The following CDC42BPB variants were observed in gnomAD, a reference collection of about 807,000 sequenced individuals.
CDC42BPB encodes CDC42 binding protein kinase beta, also known as serine/threonine-protein kinase MRCK beta.
In CDC42BPB, 37 loss-of-function variants were observed where a neutral mutation model predicts 214.9. The ratio of observed to expected loss-of-function variants is 0.17; its 90% CI spans 0.13 to 0.23. CDC42BPB has a LOEUF of 0.23. CDC42BPB is among the 10% of genes least tolerant of loss of function. CDC42BPB has a pLI of 1.00. For synonymous variants in CDC42BPB, 931 were observed against 884.0 expected (o/e 1.05, Z -0.94); for missense variants, 1,694 against 2,227.0 (o/e 0.76, Z 4.82).
At chr14:103,035,248 G>C (rs1340229783) in intron 1 of CDC42BPB, among the ~76,000 whole-genome samples, 6 of 151,906 alleles carry the variant, frequency 3.9e-5, no homozygotes, top group Non-Finnish European at 8.8e-5. Flanking sequence ...GTAGAGACGG[G>C]GTTTCTCCTT....
At chr14:103,036,999 T>G (rs967142810) in intron 1 of CDC42BPB, among the ~76,000 whole-genome samples, 2 of 152,012 alleles carry the variant, frequency 1.3e-5, no homozygotes, top group African/African-American at 2.4e-5. Context: ...TGTTTTTTTT[T>G]GTAGAGACAG....
At chr14:103,041,380 C>A in intron 1 of CDC42BPB, 1 of 525,970 alleles carries the variant, frequency 1.9e-6, no homozygotes, top group Non-Finnish European at 3.3e-6. Context: ...TGACCTTGCA[C>A]TGCCAATGGA....
chr14:103,056,746 G>C (rs1181181418), intron 1 of CDC42BPB, among the ~76,000 whole-genome samples: 1 of 152,076 alleles, frequency 6.6e-6, no homozygotes, highest in African/African-American at 2.4e-5. Flanking sequence ...ACGATCGAAC[G>C]CGGATGTCGA....
chr14:102,964,554 G>C lies in CDC42BPB; in HGVS notation c.2674C>G (p.Leu892Val), dbSNP rs1343395143. ...ACCTTCCTGAGCTCCTCCTGGACAA[G>C]CTGCTTGGCCCGGATCTCCGCCTCC... The part of the protein sequence containing the change: ...ALEAEIRAKQ[L>V]VQEELRKVKD... Residue 892 changes from leucine to valine, a missense_variant, in exon 19 of 37, where the codon CTT (leucine) becomes GTT (valine). Physicochemically the swap from Leu to Val is conservative, Grantham distance 32. Transcript: ENST00000361246. 1 of 1,613,874 alleles carries C rather than the reference G, an allele frequency of 6.2e-7. No homozygotes were observed. The highest frequency in any genetic ancestry group is 1.7e-5 in the Admixed American group (1 of 60,030).
At position 102,964,520 on chromosome 14, in the gene CDC42BPB, G is replaced by T. The variant is rs1893104812; in HGVS notation, c.2708C>A (p.Ala903Asp). Reference sequence around the variant, plus strand: ...CAAGTACCTTTCCAAGGTGAGGTTGGCGTCCTTGACCTTCCTGAGCTCCTC... The same window carrying T: ...CAAGTACCTTTCCAAGGTGAGGTTGTCGTCCTTGACCTTCCTGAGCTCCTC... The part of the protein sequence containing the change: ...VQEELRKVKD[A>D]NLTLESKLKD... Residue 903 changes from alanine (A) to aspartate (D), a missense_variant, in exon 19 of 37, where the codon GCC becomes GAC. Transcript: ENST00000361246. 1 of 1,613,704 alleles carries T rather than the reference G, an allele frequency of 6.2e-7. No individual in the cohort carries two copies.
intron 1 of CDC42BPB, among the ~76,000 whole-genome samples, chr14:103,054,235 G>C (rs1888814363): frequency 6.6e-6 from 1 of 152,106 alleles, no homozygotes; most frequent in South Asian, 2.1e-4. Context: ...TCCCCATTAA[G>C]CCTCCAAATC....
intron 1 of CDC42BPB, chr14:103,042,085 CA>C (rs1351508171): frequency 1.7e-5 from 3 of 171,776 alleles, no homozygotes; most frequent in East Asian, 1.7e-4. Flanking sequence ...ATGTTGAAGA[CA>C]AAAAATAAAG....
Position 102,932,897 on chromosome 14 carries a change from G to GGGCC in CDC42BPB, c.*814_*815insGGCC. 8.1e-6 allele frequency: 1 copy of GGGCC among 123,640 alleles called. No individual in the cohort carries two copies. The highest frequency in any genetic ancestry group is 3.8e-5 in the African/African-American group (1 of 25,976). The allele number at this position is 123,640 out of a possible 1,614,324, so 7.7% of individuals were successfully genotyped here. On this transcript the variant is annotated 3_prime_UTR_variant, in exon 37 of 37. Coordinates refer to ENST00000361246, the MANE Select transcript of CDC42BPB (RefSeq NM_006035.4). Reference sequence around the variant, plus strand: ...TGGTGGGGGGGGGGGCGGGCAGGGCGGGGCGGGGTGGGGTATCCCAGTGGC... The same window carrying GGGCC: ...TGGTGGGGGGGGGGGCGGGCAGGGCGGGCCGGGCGGGGTGGGGTATCCCAGTGGC...
At chr14:103,029,796 T>C (rs1202528666) in intron 1 of CDC42BPB, among the ~76,000 whole-genome samples, 2 of 138,928 alleles carry the variant, frequency 1.4e-5, no homozygotes, top group African/African-American at 5.5e-5. Context: ...GAGGCGGAGG[T>C]TGCAGTGAGC....
chr14:103,057,283 G>A lies in CDC42BPB; in HGVS notation c.-110C>T, dbSNP rs921567723. ...GGCTGCGAGCCCCGGCAGCAGCGGC[G>A]CCTCCTCGCCGCCCCGTCCGCGTCG... On this transcript the variant is annotated 5_prime_UTR_variant, in exon 1 of 37. Transcript: ENST00000361246. The A allele has an allele frequency of 9.0e-6, 10 of 1,115,666 alleles. No homozygotes were observed. The African/African-American group carries it at 1.7e-4, about 19-fold the overall frequency. 69.1% of individuals were successfully genotyped at this position (1,115,666 alleles called of 1,614,324 possible). A position where few individuals can be genotyped will look rare whatever the true frequency, so the allele number is the denominator to read the frequency against.
intron 1 of CDC42BPB, among the ~76,000 whole-genome samples, chr14:103,056,218 A>G (rs1156506312): frequency 2.6e-5 from 4 of 152,236 alleles, no homozygotes; most frequent in Non-Finnish European, 5.9e-5. Flanking sequence ...TTTCTAAGTG[A>G]TAGCTCCAGC....
At position 102,939,594 on chromosome 14, in the gene CDC42BPB, C is replaced by T. The variant is rs749598805; in HGVS notation, c.4827+16G>A. 1 of 1,586,656 alleles carries T rather than the reference C, an allele frequency of 6.3e-7. No individual in the cohort carries two copies. Among genetic ancestry groups the T allele is most frequent in the Non-Finnish European group, 8.7e-7 (1 of 1,155,092 alleles). On this transcript the variant is annotated intron_variant, in intron 34 of 36. Transcript: ENST00000361246. ...GATGGGGTGCCCTGCCCGCCCTATC[C>T]CGGCCGTGCACGCACCAGAGGCAGG...
rs1458680087 is a variant in CDC42BPB at position 103,004,038 on chromosome 14, G to A, written c.352-15C>T. On this transcript the variant is annotated splice_polypyrimidine_tract_variant and intron_variant, in intron 3 of 36. Transcript: ENST00000361246. This position sits in a 1 kb window ranked among gnomAD's most constrained non-coding sequence, Gnocchi z 5.3. The stretch of plus-strand genomic sequence containing the variant: ...AAGCACGCGGTCTGCAAAGCAACGA[G>A]GGGTGTCAGTCTGTGTTCACTGGGA... 2 of 1,589,204 alleles carry A rather than the reference G, an allele frequency of 1.3e-6. No individual in the cohort carries two copies. Among genetic ancestry groups the A allele is most frequent in the Non-Finnish European group, 1.7e-6 (2 of 1,173,126 alleles).
rs781091895 is a variant in CDC42BPB, at chr14:102,975,972, T to A, written c.1298A>T (p.Asp433Val). Reference protein sequence around the residue: ...TLTKDEDVQRDLEHSLQMEAY... With the variant: ...TLTKDEDVQRVLEHSLQMEAY... ...TTCCATCTGCAGGCTGTGCTCCAGG[T>A]CCCGCTGCACATCCTCATCTTTGGT... Residue 433 changes from aspartate to valine, a missense_variant, in exon 10 of 37, where the codon GAC becomes GTC. Coordinates refer to ENST00000361246, the MANE Select transcript of CDC42BPB (RefSeq NM_006035.4). The A allele has an allele frequency of 1.2e-6, 2 of 1,614,218 alleles. No homozygotes were observed. Among genetic ancestry groups the A allele is most frequent in the South Asian group, 2.2e-5 (2 of 91,088 alleles).
chr14:102,950,940 T>C (rs754078687), intron 24 of CDC42BPB, among the ~76,000 whole-genome samples: 11 of 152,114 alleles, frequency 7.2e-5, no homozygotes, highest in Non-Finnish European at 1.6e-4. Flanking sequence ...CACTCCAGCC[T>C]GGGCCACAGA....
At chr14:102,938,434 G>C in intron 34 of CDC42BPB, 23 bp from the exon 35 acceptor site, 1 of 1,516,274 alleles carries the variant, frequency 6.6e-7, no homozygotes, top group Non-Finnish European at 8.8e-7. Flanking sequence ...AGCAACACGT[G>C]AGCATGCTTG....
intron 5 of CDC42BPB, among the ~76,000 whole-genome samples, chr14:102,996,012 T>C (rs971808610): frequency 2.6e-5 from 4 of 152,242 alleles, no homozygotes; most frequent in Middle Eastern, 3.2e-3. Flanking sequence ...ATGTCTACTA[T>C]GCCCGGACGT....
At chr14:102,974,902 T>C (rs763045889) in intron 11 of CDC42BPB, among the ~76,000 whole-genome samples, 18 of 152,122 alleles carry the variant, frequency 1.2e-4, no homozygotes, top group African/African-American at 3.6e-4. Context: ...GCCGAGATCA[T>C]GCCACTGCAC....
rs529043234 is a variant in CDC42BPB, at chr14:103,050,127, T to C, written c.175+6872A>G. On this transcript the variant is annotated intron_variant, in intron 1 of 36. Coordinates refer to ENST00000361246, the MANE Select transcript of CDC42BPB (RefSeq NM_006035.4). ...TTAAAGGCAACAGAATATGAAGGCATTGTAGTTTTGGAAAGGCAGAGTGAT... is the reference window on the plus strand; with the variant it reads ...TTAAAGGCAACAGAATATGAAGGCACTGTAGTTTTGGAAAGGCAGAGTGAT... Among the ~76,000 whole-genome samples the C allele has an allele frequency of 1.9e-3, 294 of 152,322 alleles. 1 individual carries two copies. The highest frequency in any genetic ancestry group is 6.8e-3 in the African/African-American group (282 of 41,572).
Sources: allele counts gnomAD v4.1 joint callset (sites outside exome capture counted in the v4.1 genomes callset), GRCh38; gene constraint gnomAD v4.1.1; non-coding constraint Gnocchi (gnomAD v3.1); transcripts MANE v1.5; gene names NCBI Gene and HGNC (gene_info 2026-07-23, HGNC 2026-07-21).